The following HIVEP1 variants were observed in gnomAD, a reference collection of about 807,000 sequenced individuals.
HIVEP1 encodes zinc finger protein 40.
HIVEP1 carries 36 observed loss-of-function variants against 180.0 expected under a neutral mutation model. The ratio of observed to expected loss-of-function variants is 0.20; its 90% confidence interval spans 0.15 to 0.26. The LOEUF is 0.26. Ranked by LOEUF, HIVEP1 falls within the 10% of genes least tolerant of loss-of-function variation. HIVEP1 has a pLI of 1.00. For synonymous variants in HIVEP1, 1,239 were observed against 1,239.0 expected, an observed-to-expected ratio of 1.00 and a Z score of 0.00; for missense variants, 3,143 against 3,268.7, an observed-to-expected ratio of 0.96 and a Z score of 0.94.
At position 12,125,505 on chromosome 6, in the gene HIVEP1, G is replaced by A. The variant is rs1256408788; in HGVS notation, c.5710G>A (p.Gly1904Ser). 2.5e-6 allele frequency: 4 copies of A among 1,613,990 alleles called. No homozygotes were observed. The highest frequency in any genetic ancestry group is 1.3e-5 in the African/African-American group (1 of 74,912). ...GAAGTCTCCAGGGGTTAAAAATCAA[G>A]GTGACAAAGTGAACATCCAAGAGCA... is the stretch of plus-strand genomic sequence containing the variant. ...ERKSPGVKNQ[G>S]DKVNIQEQSQ... The change falls in exon 4 of 9, where the codon GGT becomes AGT. Residue 1904 changes from glycine to serine, a missense_variant. Physicochemically the swap from Gly to Ser is moderately conservative, Grantham distance 56. Coordinates refer to ENST00000379388, the MANE Select transcript of HIVEP1 (RefSeq NM_002114.4).
chr6:12,168,315 T>A (rs1401173127), downstream of HIVEP1, among the ~76,000 whole-genome samples: 2 of 136,754 alleles, frequency 1.5e-5, no homozygotes, highest in East Asian at 4.1e-4. Context: ...ACATATATTA[T>A]ATACATATAT....
At chr6:12,211,106 A>T in the HIVEP1 span, among the ~76,000 whole-genome samples, 1 of 151,696 alleles carries the variant, frequency 6.6e-6, no homozygotes, top group Non-Finnish European at 1.5e-5. Flanking sequence ...CTCTCTTATA[A>T]GAGTACTTTG....
intron 2 of HIVEP1, among the ~76,000 whole-genome samples, chr6:12,053,723 C>T (rs1449541584): frequency 6.6e-6 from 1 of 152,134 alleles, no homozygotes; most frequent in African/African-American, 2.4e-5. Flanking sequence ...GAAAAGAAAA[C>T]ATTAATTTTC....
chr6:12,182,304 TAAAGA>T, the HIVEP1 span, among the ~76,000 whole-genome samples: 2 of 152,134 alleles, frequency 1.3e-5, no homozygotes, highest in Non-Finnish European at 2.9e-5. Context: ...CCCTTTTATT[TAAAGA>T]AAAGAGAAAA....
intron 4 of HIVEP1, among the ~76,000 whole-genome samples, chr6:12,128,519 G>T (rs540747058): frequency 2.0e-5 from 3 of 152,154 alleles, no homozygotes; most frequent in South Asian, 2.1e-4. Context: ...AAAGTTGTGC[G>T]TTGCGTTGGA....
intron 3 of HIVEP1, among the ~76,000 whole-genome samples, chr6:12,094,019 A>G (rs1003796268): frequency 6.6e-6 from 1 of 152,028 alleles, no homozygotes; most frequent in Non-Finnish European, 1.5e-5. Context: ...AAAAGATTGT[A>G]TATTTCTGAT....
At chr6:12,159,277 T>G (rs1760256999) in intron 7 of HIVEP1, among the ~76,000 whole-genome samples, 1 of 152,144 alleles carries the variant, frequency 6.6e-6, no homozygotes, top group South Asian at 2.1e-4. Context: ...TGTTAGACTT[T>G]ACAGCAAGAG....
chr6:12,172,856 T>C, the HIVEP1 span, among the ~76,000 whole-genome samples: 2 of 152,016 alleles, frequency 1.3e-5, no homozygotes, highest in Non-Finnish European at 2.9e-5. Flanking sequence ...TGGGTTGTAT[T>C]GTATTCATTT....
Position 12,121,734 on chromosome 6 carries a change from C to G in HIVEP1, c.1939C>G (p.Gln647Glu), listed in dbSNP as rs932054806. The change falls in exon 4 of 9, where the codon CAA becomes GAA. Residue 647 changes from glutamine to glutamate, a missense_variant. Physicochemically the swap from Gln to Glu is conservative, Grantham distance 29 (BLOSUM62 2). Coordinates refer to ENST00000379388, the MANE Select transcript of HIVEP1 (RefSeq NM_002114.4). This position sits in a 1 kb window ranked among gnomAD's most constrained non-coding sequence, Gnocchi z 5.3. ...SHVGTVHAQLQRQQATDYSQE... is the reference protein window; with the variant it reads ...SHVGTVHAQLERQQATDYSQE... ...CGTAGGAACGGTACACGCCCAGCTA[C>G]AAAGGCAGCAGGCTACCGATTACTC... The G allele has an allele frequency of 6.2e-7, 1 of 1,614,178 alleles. No homozygotes were observed. Among genetic ancestry groups the G allele is most frequent in the African/African-American group, 1.3e-5 (1 of 75,046 alleles).
At position 12,101,211 on chromosome 6, in the gene HIVEP1, A is replaced by T. The variant is rs540771908; in HGVS notation, c.94+11974A>T. On this transcript the variant is annotated intron_variant, in intron 3 of 8. Transcript: ENST00000379388. ...GTTGAGTTACAAAATTGTTCTTACC[A>T]CTTTCTGTGAAGTACTTGTCAGGAG... 9.2e-5 allele frequency among the ~76,000 whole-genome samples: 14 copies of T among 152,318 alleles called. No individual in the cohort carries two copies. In the South Asian group the frequency reaches 2.7e-3, roughly 29 times the overall value.
chr6:12,064,445 G>T lies in HIVEP1; in HGVS notation c.41-24739G>T, dbSNP rs183678570. Reference sequence around the variant, plus strand: ...TAACAGCAGTGGGTGACATCACCACGAATTGTAATTGCAACTTAAATGATA... The same window carrying T: ...TAACAGCAGTGGGTGACATCACCACTAATTGTAATTGCAACTTAAATGATA... On this transcript the variant is annotated intron_variant, in intron 2 of 8. Coordinates refer to ENST00000379388, the MANE Select transcript of HIVEP1 (RefSeq NM_002114.4). Among the ~76,000 whole-genome samples, 71 of 152,280 alleles carry T rather than the reference G, an allele frequency of 4.7e-4. 1 individual carries two copies. The highest frequency in any genetic ancestry group is 1.6e-3 in the African/African-American group (66 of 41,556).
Position 12,123,461 on chromosome 6 carries a change from G to C in HIVEP1, c.3666G>C (p.Gln1222His), listed in dbSNP as rs371100769. 2 of 1,614,036 alleles carry C rather than the reference G, an allele frequency of 1.2e-6. No individual in the cohort carries two copies. The highest frequency in any genetic ancestry group is 2.7e-5 in the African/African-American group (2 of 74,920). The part of the protein sequence containing the change: ...KSPSERHVLG[Q>H]PSRLVRQHNI... ...CAAGTGAACGACATGTGTTAGGACAGCCCTCAAGACTTGTCCGGCAGCACA... is the reference window on the plus strand; with the variant it reads ...CAAGTGAACGACATGTGTTAGGACACCCCTCAAGACTTGTCCGGCAGCACA... The change falls in exon 4 of 9, where the codon CAG (glutamine) becomes CAC (histidine). Residue 1222 changes from glutamine to histidine, a missense_variant. Transcript: ENST00000379388.
rs1000133957 is a variant in HIVEP1, at chr6:12,014,067, G to A, written c.-103-1459G>A. Among the ~76,000 whole-genome samples, 7 of 152,276 alleles carry A rather than the reference G, an allele frequency of 4.6e-5. No homozygotes were observed. The Middle Eastern group carries it at 0.017, about 370-fold the overall frequency. ...AGCGTTTTTGTGTGACAGGCAAAGC[G>A]TCTACAATGTTTAGTTTAGTCCTTA... On this transcript the variant is annotated intron_variant, in intron 1 of 8. Coordinates refer to ENST00000379388, the MANE Select transcript of HIVEP1 (RefSeq NM_002114.4).
chr6:12,012,447 G>GCGCCGC lies in HIVEP1; in HGVS notation c.-210_-205dup, dbSNP rs900127116. 7 of 148,834 alleles carry GCGCCGC rather than the reference G, an allele frequency of 4.7e-5. No homozygotes were observed. Among genetic ancestry groups the GCGCCGC allele is most frequent in the African/African-American group, 7.3e-5 (3 of 40,856 alleles). The allele number at this position is 148,834 out of a possible 1,614,324, so 9.2% of individuals were successfully genotyped here. A position where few individuals can be genotyped will look rare whatever the true frequency, so the allele number is the denominator to read the frequency against. On this transcript the variant is annotated 5_prime_UTR_variant, in exon 1 of 9. Coordinates refer to ENST00000379388, the MANE Select transcript of HIVEP1 (RefSeq NM_002114.4). Reference sequence around the variant, plus strand: ...TTGTCAAGTGAAGGAGGGATCCCAGGCGCCGCCGCCGCCGCCGCGCGGGGG... The same window carrying GCGCCGC: ...TTGTCAAGTGAAGGAGGGATCCCAGGCGCCGCCGCCGCCGCCGCCGCCGCGCGGGGG...
At chr6:12,180,036 G>C in the HIVEP1 span, among the ~76,000 whole-genome samples, 7 of 152,242 alleles carry the variant, frequency 4.6e-5, no homozygotes, top group Admixed American at 4.6e-4. Flanking sequence ...TCAAGATATT[G>C]AATAGCATTT....
the HIVEP1 span, among the ~76,000 whole-genome samples, chr6:12,208,165 A>C: frequency 3.9e-5 from 6 of 152,254 alleles, no homozygotes; most frequent in East Asian, 1.2e-3. Context: ...ATAGTAGTTA[A>C]TTTTTGGTAG....
At chr6:12,060,479 C>T (rs1280404176) in intron 2 of HIVEP1, among the ~76,000 whole-genome samples, 1 of 152,176 alleles carries the variant, frequency 6.6e-6, no homozygotes, top group Non-Finnish European at 1.5e-5. Context: ...AAAACCTTGA[C>T]TTTTCTAAAT....
intron 2 of HIVEP1, among the ~76,000 whole-genome samples, chr6:12,058,922 A>G (rs946687485): frequency 6.6e-6 from 1 of 152,002 alleles, no homozygotes; most frequent in Non-Finnish European, 1.5e-5. Flanking sequence ...TGTGAGACGC[A>G]TAGACATAGA....
the HIVEP1 span, among the ~76,000 whole-genome samples, chr6:12,207,774 G>A: frequency 3.4e-5 from 1 of 29,842 alleles, no homozygotes; most frequent in Non-Finnish European, 9.2e-5. Context: ...AATTAGCCAG[G>A]TGTGGCGGTA....
Sources: allele counts gnomAD v4.1 joint callset (sites outside exome capture counted in the v4.1 genomes callset), GRCh38; gene constraint gnomAD v4.1.1; non-coding constraint Gnocchi (gnomAD v3.1); transcripts MANE v1.5; gene names NCBI Gene and HGNC (gene_info 2026-07-23, HGNC 2026-07-21).